Variants in CTTNBP2NL observed in about 807,000 individuals in gnomAD.
The protein encoded by CTTNBP2NL is CTTNBP2 N-terminal-like protein.
In CTTNBP2NL, 16 loss-of-function variants were observed where a neutral mutation model predicts 32.5. The ratio of observed to expected loss-of-function variants is 0.49; its 90% CI spans 0.33 to 0.75. The LOEUF is 0.75. Ranked by LOEUF, CTTNBP2NL falls within the 30% of genes least tolerant of loss-of-function variation. CTTNBP2NL has a pLI of 0.02. For synonymous variants in CTTNBP2NL, 298 were observed against 289.4 expected, an observed-to-expected ratio of 1.03 and a Z score of -0.30; for missense variants, 645 against 756.0, an observed-to-expected ratio of 0.85 and a Z score of 1.72.
At chr1:112,392,168 A>G (rs2492502), upstream of CTTNBP2NL, among the ~76,000 whole-genome samples, 70,672 of 151,980 alleles carry the variant, frequency 0.47, 19,005 homozygotes, top group African/African-American at 0.75. Flanking sequence ...TAATTTTGAG[A>G]GTGCACTTTG....
chr1:112,422,848 A>T (rs1357866147), intron 3 of CTTNBP2NL, among the ~76,000 whole-genome samples: 1 of 152,116 alleles, frequency 6.6e-6, no homozygotes, highest in Non-Finnish European at 1.5e-5. Context: ...GCTGGAGTAC[A>T]GTGGTGTAAT....
intron 3 of CTTNBP2NL, among the ~76,000 whole-genome samples, chr1:112,437,714 AG>A (rs1649778612): frequency 6.6e-6 from 1 of 151,994 alleles, no homozygotes. Context: ...TAGTAGAGAC[AG>A]GGTTTTACCA....
intron 4 of CTTNBP2NL, among the ~76,000 whole-genome samples, chr1:112,453,849 G>A (rs1302276984): frequency 2.0e-5 from 3 of 152,168 alleles, no homozygotes; most frequent in African/African-American, 2.4e-5. Context: ...ATAAAAGGGC[G>A]TATGAAAAAT....
At chr1:112,396,398 G>A (rs1570708223) in intron 1 of CTTNBP2NL, 126 bp downstream of exon 1, 1 of 152,278 alleles carries the variant, frequency 6.6e-6, no homozygotes, top group African/African-American at 2.4e-5. Context: ...ATCCCCTGAG[G>A]GGGCGGGGCC....
upstream of CTTNBP2NL, among the ~76,000 whole-genome samples, chr1:112,396,015 C>G (rs987255619): frequency 6.6e-6 from 1 of 152,236 alleles, no homozygotes; most frequent in African/African-American, 2.4e-5. Context: ...CGCTTCCTCC[C>G]GGAAGTGACG....
chr1:112,392,813 A>T (rs1370279533), upstream of CTTNBP2NL, among the ~76,000 whole-genome samples: 1 of 151,650 alleles, frequency 6.6e-6, no homozygotes, highest in African/African-American at 2.4e-5. Flanking sequence ...CATCTCTCAG[A>T]GCCCCCAGAA....
At chr1:112,416,651 C>G (rs1317581175) in intron 3 of CTTNBP2NL, among the ~76,000 whole-genome samples, 1 of 152,014 alleles carries the variant, frequency 6.6e-6, no homozygotes, top group East Asian at 1.9e-4. Context: ...CACCACCATG[C>G]CCAGCTAATT....
At chr1:112,415,762 G>A (rs1649040031) in intron 2 of CTTNBP2NL, 1 of 214,960 alleles carries the variant, frequency 4.7e-6, no homozygotes, top group Non-Finnish European at 9.1e-6. Context: ...TTACCATGTT[G>A]GCCGGGATGG....
At chr1:112,403,297 A>G (rs1648557885) in intron 1 of CTTNBP2NL, among the ~76,000 whole-genome samples, 1 of 152,202 alleles carries the variant, frequency 6.6e-6, no homozygotes. Flanking sequence ...GATTTTCACC[A>G]GGTTAAAAAT....
intron 3 of CTTNBP2NL, among the ~76,000 whole-genome samples, chr1:112,448,382 C>T (rs1392865458): frequency 1.3e-5 from 2 of 152,168 alleles, no homozygotes; most frequent in Non-Finnish European, 2.9e-5. Flanking sequence ...ATTTTGCACA[C>T]TTTATATATC....
At position 112,449,047 on chromosome 1, in the gene CTTNBP2NL, G is replaced by T. The variant is rs746020129; in HGVS notation, c.205G>T (p.Asp69Tyr). 3.7e-6 allele frequency: 6 copies of T among 1,612,528 alleles called. No individual in the cohort carries two copies. In the South Asian group the frequency reaches 5.5e-5, roughly 15 times the overall value. ...TTTTGAAACACTGAAGGAGAAAAAT[G>T]ATGGCGAAAAGCAGCCAGTCTGCAC... ...RDFETLKEKN[D>Y]GEKQPVCTNP... The change falls in exon 4 of 6, where the codon GAT (aspartate) becomes TAT (tyrosine). Residue 69 changes from aspartate (D) to tyrosine (Y), a missense_variant. Physicochemically the swap from Asp to Tyr is radical, Grantham distance 160 (BLOSUM62 -3). Transcript: ENST00000271277.
intron 4 of CTTNBP2NL, among the ~76,000 whole-genome samples, chr1:112,452,332 CTTCTTTTTTTTTT>C (rs1650247048): frequency 8.7e-6 from 1 of 114,350 alleles, no homozygotes; most frequent in Non-Finnish European, 1.7e-5. Flanking sequence ...GCACCAGTCT[CTTCTTTTTTTTTT>C]TTTTTTTTTT....
intron 2 of CTTNBP2NL, among the ~76,000 whole-genome samples, chr1:112,414,272 G>C (rs1390210304): frequency 3.3e-5 from 5 of 152,112 alleles, no homozygotes; most frequent in Non-Finnish European, 7.3e-5. Flanking sequence ...GCTGAGACTG[G>C]AGAAGTACTT....
At chr1:112,439,334 T>G (rs1649829674) in intron 3 of CTTNBP2NL, among the ~76,000 whole-genome samples, 1 of 152,326 alleles carries the variant, frequency 6.6e-6, no homozygotes, top group East Asian at 1.9e-4. Flanking sequence ...TAGTTTCTAC[T>G]TCTTAACCAA....
upstream of CTTNBP2NL, among the ~76,000 whole-genome samples, chr1:112,395,970 C>G (rs1648307104): frequency 6.6e-6 from 1 of 152,234 alleles, no homozygotes; most frequent in Non-Finnish European, 1.5e-5. Flanking sequence ...CCGGGAGGGG[C>G]GCGAGCCCAC....
chr1:112,410,039 T>TG (rs1246989738), intron 1 of CTTNBP2NL, among the ~76,000 whole-genome samples: 5 of 152,228 alleles, frequency 3.3e-5, no homozygotes, highest in African/African-American at 7.2e-5. Flanking sequence ...GGATGAAACC[T>TG]GTGAATACAC....
chr1:112,436,150 T>C (rs1306193347), intron 3 of CTTNBP2NL, among the ~76,000 whole-genome samples: 1 of 151,730 alleles, frequency 6.6e-6, no homozygotes, highest in Non-Finnish European at 1.5e-5. Flanking sequence ...ATCATCCCCC[T>C]TTGTCTGTTT....
intron 3 of CTTNBP2NL, 118 bp from the exon 4 acceptor site, chr1:112,448,824 T>G (rs1209053489): frequency 3.2e-6 from 2 of 631,026 alleles, no homozygotes; most frequent in Non-Finnish European, 5.7e-6. Flanking sequence ...TGACTTGTAA[T>G]TAGTAGGTTA....
intron 4 of CTTNBP2NL, among the ~76,000 whole-genome samples, chr1:112,449,488 C>T (rs369403604): frequency 3.6e-4 from 54 of 151,282 alleles, no homozygotes; most frequent in South Asian, 1.3e-3. Flanking sequence ...TTGTAGCTGA[C>T]GGGAGTGTTC....
Sources: gnomAD v4.1 joint callset for allele counts (sites outside exome capture counted in the v4.1 genomes callset) on GRCh38, gnomAD v4.1.1 for gene constraint, MANE v1.5 for transcripts, NCBI Gene and HGNC (gene_info 2026-07-23, HGNC 2026-07-21) for gene names.